PMS2: variants seen among roughly 807,000 people sequenced by gnomAD.
The protein encoded by PMS2 is PMS1 homolog 2, mismatch repair system component.
A neutral mutation model predicts 90.0 loss-of-function variants in PMS2; 69 were observed. The observed-to-expected ratio is 0.77, with a 90% CI of 0.63 to 0.94. PMS2 has a LOEUF of 0.94. Ranked by LOEUF, PMS2 falls within the 40% of genes least tolerant of loss-of-function variation. PMS2 has a pLI of 0.00. For synonymous variants in PMS2, 332 were observed against 375.1 expected, an observed-to-expected ratio of 0.89 and a Z score of 1.33; for missense variants, 966 against 1,040.2, an observed-to-expected ratio of 0.93 and a Z score of 0.98.
At position 6,002,572 on chromosome 7, in the gene PMS2, T is replaced by C. The variant is rs35911407; in HGVS notation, c.418A>G (p.Asn140Asp). 6.2e-7 allele frequency: 1 copy of C among 1,611,778 alleles called. No individual in the cohort carries two copies. Among genetic ancestry groups the C allele is most frequent in the Non-Finnish European group, 8.5e-7 (1 of 1,179,788 alleles). ...KVGTRLMFDH[N>D]GKIIQKTPYP... ...GGGGTTTTCTGGATAATTTTCCCAT[T>C]GTGATCAAACATCAGTCGAGTTCCA... The change falls in exon 5 of 15, where the codon AAT becomes GAT. Residue 140 changes from asparagine (N) to aspartate (D), a missense_variant. Transcript: ENST00000265849.
intron 9 of PMS2, among the ~76,000 whole-genome samples, chr7:5,991,336 T>A (rs1783705434): frequency 6.6e-6 from 1 of 151,836 alleles, no homozygotes; most frequent in African/African-American, 2.4e-5. Context: ...TACATATGTG[T>A]TTCTAAGTAT....
At chr7:5,986,698 AT>A in intron 11 of PMS2, 60 bp downstream of exon 11, 3 of 1,324,454 alleles carry the variant, frequency 2.3e-6, no homozygotes, top group Non-Finnish European at 3.1e-6. Flanking sequence ...TCTCAAAAAA[AT>A]AAAAAATAAA....
At chr7:5,983,546 T>C (rs1172927724) in intron 11 of PMS2, among the ~76,000 whole-genome samples, 1 of 151,936 alleles carries the variant, frequency 6.6e-6, no homozygotes, top group East Asian at 1.9e-4. Context: ...TTTTTTTTAA[T>C]TTTAAAAAAC....
intron 4 of PMS2, chr7:6,003,246 A>T (rs1310864568): frequency 6.6e-6 from 1 of 151,916 alleles, no homozygotes; most frequent in East Asian, 1.9e-4. Flanking sequence ...GTGAGCCGAG[A>T]CTGTGCCACT....
At chr7:5,987,680 G>A in intron 10 of PMS2, 60 bp from the exon 11 acceptor site, 2 of 992,336 alleles carry the variant, frequency 2.0e-6, no homozygotes, top group Non-Finnish European at 3.2e-6. Flanking sequence ...GAGAGGACGT[G>A]CTTATGTGAA....
chr7:5,984,059 A>G (rs2128709576), intron 11 of PMS2, among the ~76,000 whole-genome samples: 1 of 152,028 alleles, frequency 6.6e-6, no homozygotes, highest in South Asian at 2.1e-4. Flanking sequence ...CAATTTCAAT[A>G]GCGCACTCAA....
At chr7:5,989,125 C>T (rs1393471473) in intron 10 of PMS2, among the ~76,000 whole-genome samples, 1 of 152,172 alleles carries the variant, frequency 6.6e-6, no homozygotes, top group African/African-American at 2.4e-5. Flanking sequence ...ACTGGGATTA[C>T]AAGCATGAGC....
rs1562664935 is a variant in PMS2, at chr7:5,995,646, A to G, written c.804-13T>C. On this transcript the variant is annotated splice_polypyrimidine_tract_variant and intron_variant, in intron 7 of 14. Transcript: ENST00000265849. ...GAAACCTGAGATGCTATTCAACATT[A>G]ATATGGTAAGGGCAGGATTCCAGAG... The G allele has an allele frequency of 6.4e-7, 1 of 1,559,896 alleles. No homozygotes were observed. Among genetic ancestry groups the G allele is most frequent in the Non-Finnish European group, 8.8e-7 (1 of 1,130,366 alleles).
intron 8 of PMS2, among the ~76,000 whole-genome samples, chr7:5,993,969 TTA>T (rs1303623246): frequency 6.6e-6 from 1 of 152,044 alleles, no homozygotes; most frequent in Non-Finnish European, 1.5e-5. Flanking sequence ...TCAAATAGTT[TTA>T]GTTTTTACAA....
intron 10 of PMS2, 137 bp downstream of exon 10, chr7:5,989,663 T>G: frequency 1.6e-6 from 1 of 642,074 alleles, no homozygotes; most frequent in Non-Finnish European, 2.6e-6. Flanking sequence ...CAAGTCCCTG[T>G]CTCAAAAAAG....
chr7:5,999,021 T>C lies in PMS2; in HGVS notation c.705+87A>G, dbSNP rs936937259. 4 of 1,319,050 alleles carry C rather than the reference T, an allele frequency of 3.0e-6. No individual in the cohort carries two copies. The African/African-American group carries it at 5.8e-5, about 19-fold the overall frequency. The allele number at this position is 1,319,050 out of a possible 1,614,324, so 81.7% of individuals were successfully genotyped here. A position where few individuals can be genotyped will look rare whatever the true frequency, so the allele number is the denominator to read the frequency against. ...AAAAAAAAAATCAATTCTAAGATTT[T>C]ATTCTCCATTCTACTGGAAGGGACA... On this transcript the variant is annotated intron_variant, in intron 6 of 14. Transcript: ENST00000265849.
At chr7:5,994,544 T>C (rs543363688) in intron 8 of PMS2, among the ~76,000 whole-genome samples, 156 of 151,774 alleles carry the variant, frequency 1.0e-3, no homozygotes, top group African/African-American at 3.2e-3. Flanking sequence ...GAGGCCGAGG[T>C]GGGCGGATCA....
chr7:5,982,472 G>A (rs1234702399), intron 12 of PMS2, among the ~76,000 whole-genome samples: 5 of 151,928 alleles, frequency 3.3e-5, no homozygotes, highest in Non-Finnish European at 7.4e-5. Flanking sequence ...CCAAAGTGCC[G>A]GGATTATAGG....
In PMS2 at chr7:6,005,918, C is replaced by T. The variant is rs121434629; in HGVS notation, c.137G>A (p.Ser46Asn). 1.9e-6 allele frequency: 3 copies of T among 1,610,888 alleles called. No individual in the cohort carries two copies. Among genetic ancestry groups the T allele is most frequent in the Non-Finnish European group, 2.5e-6 (3 of 1,179,860 alleles). Reference protein sequence around the residue: ...STAVKELVENSLDAGATNIDL... With the variant: ...STAVKELVENNLDAGATNIDL... Reference sequence around the variant, plus strand: ...AATATTAGTGGCACCAGCATCCAGACTGTTTTCTACTAACTCCTTTACCGC... The same window carrying T: ...AATATTAGTGGCACCAGCATCCAGATTGTTTTCTACTAACTCCTTTACCGC... Residue 46 changes from serine (S) to asparagine (N), a missense_variant, in exon 2 of 15, where the codon AGT becomes AAT. Physicochemically the swap from Ser to Asn is conservative, Grantham distance 46. This residue lies in a region of PMS2 where 871 missense variants were observed against 802.4 expected (regional missense o/e 1.09). Transcript: ENST00000265849.
At position 5,997,425 on chromosome 7, in the gene PMS2, T is replaced by C. The variant is rs745487791; in HGVS notation, c.706-2A>G. The C allele has an allele frequency of 2.1e-6, 3 of 1,424,080 alleles. No individual in the cohort carries two copies. Among genetic ancestry groups the C allele is most frequent in the Non-Finnish European group, 2.9e-6 (3 of 1,050,698 alleles). The allele number at this position is 1,424,080 out of a possible 1,614,324, so 88.2% of individuals were successfully genotyped here. The stretch of plus-strand genomic sequence containing the variant: ...AACAAAAGGAATGAGGCTTTGCAAC[T>C]GAAAAAAAAAAAAAAAAATTCACAG... On this transcript the variant is annotated splice_acceptor_variant, in intron 6 of 14. Coordinates refer to ENST00000265849, the MANE Select transcript of PMS2 (RefSeq NM_000535.7). LOFTEE classifies it high-confidence loss of function.
rs1317007816 is a variant in PMS2 at position 6,004,080 on chromosome 7, CATA to C, written c.164-25_164-23del. 8 of 1,336,898 alleles carry C rather than the reference CATA, an allele frequency of 6.0e-6. No individual in the cohort carries two copies. The African/African-American group carries it at 1.0e-4, about 17-fold the overall frequency. The allele number at this position is 1,336,898 out of a possible 1,614,324, so 82.8% of individuals were successfully genotyped here. A position where few individuals can be genotyped will look rare whatever the true frequency, so the allele number is the denominator to read the frequency against. On this transcript the variant is annotated intron_variant, in intron 2 of 14. Transcript: ENST00000265849. ...AGATCTAGAAAGTTTAAAATATTTA[CATA>C]TTTATTAAAAACGGACCCATGCTAT...
chr7:6,001,044 T>G (rs899743997), intron 5 of PMS2, among the ~76,000 whole-genome samples: 3 of 151,984 alleles, frequency 2.0e-5, no homozygotes, highest in African/African-American at 7.2e-5. Context: ...GTAAAAAAAG[T>G]TTTTAGCTGC....
intron 11 of PMS2, among the ~76,000 whole-genome samples, chr7:5,985,084 C>T (rs1782707741): frequency 6.6e-6 from 1 of 151,486 alleles, no homozygotes; most frequent in Non-Finnish European, 1.5e-5. Flanking sequence ...ACAAAAACCA[C>T]ACCAGTGATT....
chr7:6,004,097 G>A (rs1204490738), intron 2 of PMS2, 39 bp from the exon 3 acceptor site: 3 of 1,111,998 alleles, frequency 2.7e-6, no homozygotes. Flanking sequence ...ATTAAAAACG[G>A]ACCCATGCTA....
Sources: gnomAD v4.1 joint callset for allele counts (sites outside exome capture counted in the v4.1 genomes callset) on GRCh38, gnomAD v4.1.1 for gene constraint, gnomAD v4.1.1 regional missense constraint, MANE v1.5 for transcripts, NCBI Gene and HGNC (gene_info 2026-07-23, HGNC 2026-07-21) for gene names.